NCKAP1L: variants seen among roughly 807,000 people sequenced by gnomAD.
The protein encoded by NCKAP1L is NCK associated protein 1 like.
Under a neutral mutation model 139.2 loss-of-function variants are expected in NCKAP1L, and 53 were observed. The ratio of observed to expected loss-of-function variants is 0.38; its 90% CI spans 0.31 to 0.48. The LOEUF (loss-of-function observed/expected upper bound fraction) is 0.48. Ranked by LOEUF, NCKAP1L falls within the 20% of genes least tolerant of loss-of-function variation. NCKAP1L has a pLI of 0.98. For missense variants in NCKAP1L, 1,151 were observed against 1,381.9 expected (o/e 0.83, Z 2.65); for synonymous variants, 468 against 499.7 (o/e 0.94, Z 0.85).
intron 9 of NCKAP1L, among the ~76,000 whole-genome samples, chr12:54,514,662 G>A (rs1052992894): frequency 6.6e-6 from 1 of 152,164 alleles, no homozygotes; most frequent in South Asian, 2.1e-4. Context: ...ATTCTTAGAA[G>A]TGGAATTGCT....
intron 16 of NCKAP1L, among the ~76,000 whole-genome samples, 192 bp downstream of exon 16, chr12:54,519,524 C>T (rs574821345): frequency 1.6e-4 from 24 of 151,238 alleles, no homozygotes; most frequent in African/African-American, 5.8e-4. Flanking sequence ...CTACCTCAGC[C>T]TCCTAAGTAG....
At chr12:54,520,922 G>C in intron 17 of NCKAP1L, 96 bp downstream of exon 17, 2 of 1,548,360 alleles carry the variant, frequency 1.3e-6, no homozygotes, top group South Asian at 2.2e-5. Flanking sequence ...CCCAGAAAGG[G>C]TATAAACATA....
chr12:54,526,931 G>A (rs1317937230), intron 21 of NCKAP1L, among the ~76,000 whole-genome samples, 185 bp downstream of exon 21: 1 of 152,190 alleles, frequency 6.6e-6, no homozygotes, highest in Non-Finnish European at 1.5e-5. Flanking sequence ...TGTCCACCAC[G>A]AAGTTTCCTT....
intron 12 of NCKAP1L, 42 bp downstream of exon 12, chr12:54,517,684 C>T (rs766975566): frequency 1.3e-5 from 21 of 1,583,018 alleles, no homozygotes; most frequent in Admixed American, 1.0e-4. Context: ...CTTAGATGGA[C>T]TGGGGACAGG....
chr12:54,539,944 T>C (rs1194448061), intron 30 of NCKAP1L, among the ~76,000 whole-genome samples: 2 of 152,200 alleles, frequency 1.3e-5, no homozygotes, highest in African/African-American at 4.8e-5. Context: ...AGTTTAGATA[T>C]GCAGATAAGG....
chr12:54,537,433 C>A (rs17113278), intron 29 of NCKAP1L, among the ~76,000 whole-genome samples: 3,488 of 152,208 alleles, frequency 0.023, 124 homozygotes, highest in African/African-American at 0.078. Context: ...AATCCATGAA[C>A]CTTGGTATGC....
At chr12:54,506,796 A>AAAAAAAAATAT in intron 3 of NCKAP1L, among the ~76,000 whole-genome samples, 54 of 50,604 alleles carry the variant, frequency 1.1e-3, no homozygotes, top group East Asian at 5.4e-3. Flanking sequence ...AAAAAAAAAA[A>AAAAAAAAATAT]ATATATATAT....
intron 30 of NCKAP1L, among the ~76,000 whole-genome samples, chr12:54,539,219 TG>T (rs1157086135): frequency 2.0e-5 from 3 of 152,258 alleles, no homozygotes; most frequent in Non-Finnish European, 2.9e-5. Flanking sequence ...CTAAGCTGGC[TG>T]GGCCCATGTC....
intron 20 of NCKAP1L, 60 bp downstream of exon 20, chr12:54,524,016 C>T (rs556763024): frequency 1.3e-6 from 2 of 1,548,546 alleles, no homozygotes; most frequent in East Asian, 2.2e-5. Flanking sequence ...CCATATACCT[C>T]TATGTGTAGT....
intron 21 of NCKAP1L, among the ~76,000 whole-genome samples, chr12:54,527,438 C>A (rs923297661): frequency 6.6e-6 from 1 of 152,160 alleles, no homozygotes; most frequent in African/African-American, 2.4e-5. Flanking sequence ...ATGGGCCAGG[C>A]AGAGACTTTG....
At chr12:54,519,023 C>G (rs192400078) in intron 15 of NCKAP1L, 51 bp downstream of exon 15, 5 of 1,573,320 alleles carry the variant, frequency 3.2e-6, no homozygotes, top group African/African-American at 2.7e-5. Context: ...CTTCCTCCCC[C>G]ACAATCCCTT....
intron 13 of NCKAP1L, 134 bp from the exon 14 acceptor site, chr12:54,518,517 T>G: frequency 1.3e-6 from 1 of 771,994 alleles, no homozygotes; most frequent in South Asian, 1.4e-5. Flanking sequence ...CTTCATCTCT[T>G]GCTTGGCTTT....
In NCKAP1L at chr12:54,509,730, C is replaced by A. The variant is rs1956872164; in HGVS notation, c.568C>A (p.Leu190Met). The part of the protein sequence containing the change: ...VLEYDHPLKK[L>M]TEEFGPHTKA... The stretch of plus-strand genomic sequence containing the variant: ...GGAGTATGACCACCCTCTGAAGAAG[C>A]TGACAGAAGAGTTTGGGCCTCACAC... Residue 190 changes from leucine (L) to methionine (M), a missense_variant, in exon 6 of 31, where the codon CTG (leucine) becomes ATG (methionine). Physicochemically the swap from Leu to Met is conservative, Grantham distance 15. Coordinates refer to ENST00000293373, the MANE Select transcript of NCKAP1L (RefSeq NM_005337.5). The A allele has an allele frequency of 3.1e-6, 5 of 1,614,188 alleles. No individual in the cohort carries two copies. Among genetic ancestry groups the A allele is most frequent in the Non-Finnish European group, 4.2e-6 (5 of 1,180,014 alleles).
intron 26 of NCKAP1L, among the ~76,000 whole-genome samples, chr12:54,533,401 T>G (rs2120963468): frequency 6.6e-6 from 1 of 152,300 alleles, no homozygotes; most frequent in South Asian, 2.1e-4. Context: ...CAACCATCCC[T>G]TTCTTCCTCC....
chr12:54,539,004 T>C lies in NCKAP1L; in HGVS notation c.3273+31T>C, dbSNP rs4758966. The stretch of plus-strand genomic sequence containing the variant: ...TACCTTATTTAAATTGGTGTGAGAA[T>C]AGGGAATGGAAGGGCCAGAGGGAGA... On this transcript the variant is annotated intron_variant, in intron 30 of 30. Coordinates refer to ENST00000293373, the MANE Select transcript of NCKAP1L (RefSeq NM_005337.5). 0.89 allele frequency: 1,421,079 copies of C among 1,597,590 alleles called. 632,934 individuals are homozygous for C. Among genetic ancestry groups the C allele is most frequent in the East Asian group, 0.97 (43,510 of 44,810 alleles).
At chr12:54,519,021 C>T in intron 15 of NCKAP1L, 49 bp downstream of exon 15, 1 of 1,573,172 alleles carries the variant, frequency 6.4e-7, no homozygotes, top group Non-Finnish European at 8.7e-7. Flanking sequence ...TTCTTCCTCC[C>T]CCACAATCCC....
intron 22 of NCKAP1L, among the ~76,000 whole-genome samples, chr12:54,529,553 T>C (rs567931349): frequency 6.6e-6 from 1 of 152,292 alleles, no homozygotes; most frequent in South Asian, 2.1e-4. Context: ...AAGTACACAG[T>C]TCTGTTTTCC....
chr12:54,509,845 C>G lies in NCKAP1L; in HGVS notation c.598-3C>G. ...CTAAGGTTTCATTTGCTTTTCCCCA[C>G]AGGCTGTGAGTGGAGCCCTCCTCTC... On this transcript the variant is annotated splice_polypyrimidine_tract_variant and splice_region_variant and intron_variant, in intron 6 of 30. Transcript: ENST00000293373. 6.2e-7 allele frequency: 1 copy of G among 1,614,206 alleles called. No homozygotes were observed.
chr12:54,526,407 A>G (rs1424119954), intron 20 of NCKAP1L, 121 bp from the exon 21 acceptor site: 14 of 734,320 alleles, frequency 1.9e-5, no homozygotes, highest in Non-Finnish European at 3.0e-5. Flanking sequence ...TGAGGTTTAC[A>G]TGAGATAATA....
Sources: allele counts gnomAD v4.1 joint callset (sites outside exome capture counted in the v4.1 genomes callset), GRCh38; gene constraint gnomAD v4.1.1; transcripts MANE v1.5; gene names NCBI Gene and HGNC (gene_info 2026-07-23, HGNC 2026-07-21).